Variants in BRIP1 observed in about 807,000 individuals in gnomAD.
The protein encoded by BRIP1 is Fanconi anemia group J protein.
BRIP1 carries 88 observed loss-of-function variants against 119.7 expected under a neutral mutation model. That is an observed-to-expected ratio of 0.74 (90% CI 0.62 to 0.88). The LOEUF (loss-of-function observed/expected upper bound fraction) is 0.88. BRIP1 is among the 40% of genes least tolerant of loss of function. BRIP1 has a pLI of 0.00. For missense variants in BRIP1, 1,259 were observed against 1,455.4 expected, an observed-to-expected ratio of 0.87 and a Z score of 2.20; for synonymous variants, 443 against 496.5, an observed-to-expected ratio of 0.89 and a Z score of 1.43.
At chr17:61,702,926 A>G (rs2061635912) in intron 17 of BRIP1, among the ~76,000 whole-genome samples, 1 of 150,764 alleles carries the variant, frequency 6.6e-6, no homozygotes, top group South Asian at 2.1e-4. Flanking sequence ...TCCCACCAGC[A>G]GTACATATGT....
Position 61,717,171 on chromosome 17 carries a change from G to A in BRIP1, c.2380-1108C>T, listed in dbSNP as rs1040429266. On this transcript the variant is annotated intron_variant, in intron 16 of 19. Coordinates refer to ENST00000259008, the MANE Select transcript of BRIP1 (RefSeq NM_032043.3). The surrounding 1 kb of genome is among the most constrained non-coding windows in gnomAD (Gnocchi z 4.1). ...TACCCTTTACCCAATTTCCCCTAATGTTAACATCTTATATTACTATAGCTC... is the reference window on the plus strand; with the variant it reads ...TACCCTTTACCCAATTTCCCCTAATATTAACATCTTATATTACTATAGCTC... Among the ~76,000 whole-genome samples, 4 of 151,968 alleles carry A rather than the reference G, an allele frequency of 2.6e-5. No individual in the cohort carries two copies. The highest frequency in any genetic ancestry group is 4.8e-5 in the African/African-American group (2 of 41,388).
At position 61,743,152 on chromosome 17, in the gene BRIP1, A is replaced by T. The variant is rs544273704; in HGVS notation, c.2258-18T>A. On this transcript the variant is annotated intron_variant, in intron 15 of 19. Coordinates refer to ENST00000259008, the MANE Select transcript of BRIP1 (RefSeq NM_032043.3). This position sits in a 1 kb window ranked among gnomAD's most constrained non-coding sequence, Gnocchi z 4.3. ...AGCTCCATCTTAAACAACAGAAAAA[A>T]GCATATCCAAAATTCTCAGAAATTG... 6 of 1,613,612 alleles carry T rather than the reference A, an allele frequency of 3.7e-6. No individual in the cohort carries two copies. Among genetic ancestry groups the T allele is most frequent in the Non-Finnish European group, 5.1e-6 (6 of 1,179,620 alleles).
rs1555591361 is a variant in BRIP1, at chr17:61,744,471, G to A, written c.2218C>T (p.Gln740Ter). Residue 740 changes from glutamine (Q) to a stop codon, truncating the protein, a stop_gained, in exon 15 of 20, where the codon CAG (glutamine) becomes TAG (stop). Coordinates refer to ENST00000259008, the MANE Select transcript of BRIP1 (RefSeq NM_032043.3). LOFTEE classifies it high-confidence loss of function. The surrounding 1 kb of genome is among the most constrained non-coding windows in gnomAD (Gnocchi z 5.0). ...TATTTGATTGCGTCATAGTACACCT[G>A]CAGTAATTCATCAAAATTTGTTTTT... ...GEKTNFDELL[Q>*]VYYDAIKYKG... The A allele has an allele frequency of 1.2e-6, 2 of 1,613,800 alleles. No individual in the cohort carries two copies. Among genetic ancestry groups the A allele is most frequent in the Non-Finnish European group, 1.7e-6 (2 of 1,179,860 alleles).
chr17:61,718,750 A>G (rs2061923122), intron 16 of BRIP1, among the ~76,000 whole-genome samples: 1 of 152,214 alleles, frequency 6.6e-6, no homozygotes, highest in African/African-American at 2.4e-5. Context: ...TTCCAGGACA[A>G]GTATATCAAA....
chr17:61,722,672 T>C lies in BRIP1; in HGVS notation c.2380-6609A>G, dbSNP rs1227624838. 1.3e-5 allele frequency among the ~76,000 whole-genome samples: 2 copies of C among 152,232 alleles called. No individual in the cohort carries two copies. Among genetic ancestry groups the C allele is most frequent in the Non-Finnish European group, 2.9e-5 (2 of 68,028 alleles). On this transcript the variant is annotated intron_variant, in intron 16 of 19. Coordinates refer to ENST00000259008, the MANE Select transcript of BRIP1 (RefSeq NM_032043.3). This position sits in a 1 kb window ranked among gnomAD's most constrained non-coding sequence, Gnocchi z 4.6. ...GACTGATACATTATAGTGGTCACTG[T>C]TCCGAAGACAACAGTTGCTCTAGGA... is the stretch of plus-strand genomic sequence containing the variant.
In BRIP1 at chr17:61,797,622, A is replaced by G. The variant is rs146038940; in HGVS notation, c.1340+1478T>C. On this transcript the variant is annotated intron_variant, in intron 9 of 19. Transcript: ENST00000259008. ...TAAAAACCACAAAAATCTGCATGGC[A>G]AAACACCACCAGAAAAGACACAAAT... Among the ~76,000 whole-genome samples the G allele has an allele frequency of 1.4e-3, 216 of 152,200 alleles. 1 individual carries two copies. Among genetic ancestry groups the G allele is most frequent in the African/African-American group, 5.1e-3 (211 of 41,560 alleles).
At chr17:61,829,504 C>CA (rs150051476) in intron 6 of BRIP1, among the ~76,000 whole-genome samples, 27 of 150,444 alleles carry the variant, frequency 1.8e-4, no homozygotes, top group African/African-American at 5.6e-4. Flanking sequence ...ATAAGTAGAC[C>CA]AAAAAAAACC....
rs774569148 is a variant in BRIP1 at position 61,774,674 on chromosome 17, AAT to A, written c.2097+1725_2097+1726del. Among the ~76,000 whole-genome samples the A allele has an allele frequency of 6.6e-6, 1 of 152,236 alleles. No homozygotes were observed. The highest frequency in any genetic ancestry group is 1.5e-5 in the Non-Finnish European group (1 of 68,040). ...AAACCTGCAGAACAATTAATTTCGC[AAT>A]CAAAGAAATAAACTCAATTGGAACA... is the stretch of plus-strand genomic sequence containing the variant. On this transcript the variant is annotated intron_variant, in intron 14 of 19. Coordinates refer to ENST00000259008, the MANE Select transcript of BRIP1 (RefSeq NM_032043.3). The surrounding 1 kb of genome is among the most constrained non-coding windows in gnomAD (Gnocchi z 5.8).
At position 61,857,112 on chromosome 17, in the gene BRIP1, T is replaced by C. The variant is rs2078907245; in HGVS notation, c.325A>G (p.Asn109Asp). Residue 109 changes from asparagine (N) to aspartate (D), a missense_variant, in exon 4 of 20, where the codon AAC becomes GAC. Coordinates refer to ENST00000259008, the MANE Select transcript of BRIP1 (RefSeq NM_032043.3). The surrounding 1 kb of genome is among the most constrained non-coding windows in gnomAD (Gnocchi z 5.1). ...DMNQGTSRHF[N>D]YPSTPPSERN... ...TCAGAAGGTGGTGTGCTTGGATAGT[T>C]GAAATGACGTGAAGTTCCTTGGTTC... is the stretch of plus-strand genomic sequence containing the variant. 2 of 1,614,176 alleles carry C rather than the reference T, an allele frequency of 1.2e-6. No individual in the cohort carries two copies. The highest frequency in any genetic ancestry group is 1.7e-6 in the Non-Finnish European group (2 of 1,180,006).
rs1407033096 is a variant in BRIP1, at chr17:61,762,315, GAA to G, written c.2097+14084_2097+14085del. ...AACTACTAGAAGAAAACAGAGGGGG[GAA>G]AACTACATAACATTGGTTTAGGCAA... On this transcript the variant is annotated intron_variant, in intron 14 of 19. Coordinates refer to ENST00000259008, the MANE Select transcript of BRIP1 (RefSeq NM_032043.3). The surrounding 1 kb of genome is among the most constrained non-coding windows in gnomAD (Gnocchi z 4.3). 1.3e-5 allele frequency among the ~76,000 whole-genome samples: 2 copies of G among 151,932 alleles called. No homozygotes were observed. The highest frequency in any genetic ancestry group is 2.9e-5 in the Non-Finnish European group (2 of 67,968).
chr17:61,688,176 A>G (rs528883962), intron 18 of BRIP1, among the ~76,000 whole-genome samples: 15 of 152,272 alleles, frequency 9.9e-5, no homozygotes, highest in Non-Finnish European at 1.9e-4. Context: ...CCTGGAATCT[A>G]CTAAGAACAA....
chr17:61,857,296 G>GC lies in BRIP1; in HGVS notation c.206-66dup. ...AAATAAACATCAATCATTCTCTACA[G>GC]CCCAGTTCACCCAGGATTGGGAGGT... On this transcript the variant is annotated intron_variant, in intron 3 of 19. Transcript: ENST00000259008. This position sits in a 1 kb window ranked among gnomAD's most constrained non-coding sequence, Gnocchi z 5.1. The GC allele has an allele frequency of 7.1e-7, 1 of 1,417,022 alleles. No homozygotes were observed. The highest frequency in any genetic ancestry group is 9.6e-7 in the Non-Finnish European group (1 of 1,037,444). The allele number at this position is 1,417,022 out of a possible 1,614,324, so 87.8% of individuals were successfully genotyped here.
At position 61,824,265 on chromosome 17, in the gene BRIP1, G is replaced by A. The variant is rs1017489891; in HGVS notation, c.628-15508C>T. ...AAATGTGTTTCAAAACAAAGCGACG[G>A]TTCCTATCAATAACCCAATGAAGTT... On this transcript the variant is annotated intron_variant, in intron 6 of 19. Coordinates refer to ENST00000259008, the MANE Select transcript of BRIP1 (RefSeq NM_032043.3). The surrounding 1 kb of genome is among the most constrained non-coding windows in gnomAD (Gnocchi z 4.3). 6.6e-6 allele frequency among the ~76,000 whole-genome samples: 1 copy of A among 151,964 alleles called. No homozygotes were observed. Among genetic ancestry groups the A allele is most frequent in the African/African-American group, 2.4e-5 (1 of 41,236 alleles).
chr17:61,833,794 A>G (rs1273079686), intron 6 of BRIP1, among the ~76,000 whole-genome samples: 1 of 152,200 alleles, frequency 6.6e-6, no homozygotes. Flanking sequence ...CACTAACTCC[A>G]CTAACCTCTG....
At chr17:61,839,726 T>C (rs568110394) in intron 6 of BRIP1, among the ~76,000 whole-genome samples, 2 of 152,218 alleles carry the variant, frequency 1.3e-5, no homozygotes, top group Non-Finnish European at 2.9e-5. Flanking sequence ...CTTAATGTTA[T>C]GAGTAATAAA....
In BRIP1 at chr17:61,742,141, A is replaced by T. The variant is rs2076994178; in HGVS notation, c.2379+872T>A. On this transcript the variant is annotated intron_variant, in intron 16 of 19. Coordinates refer to ENST00000259008, the MANE Select transcript of BRIP1 (RefSeq NM_032043.3). The surrounding 1 kb of genome is among the most constrained non-coding windows in gnomAD (Gnocchi z 4.7). Reference sequence around the variant, plus strand: ...TTATGGAGATAGCTTCTTTCCTTAAACCTCATGAAACAACCTCTGCTAGCT... The same window carrying T: ...TTATGGAGATAGCTTCTTTCCTTAATCCTCATGAAACAACCTCTGCTAGCT... Among the ~76,000 whole-genome samples, 1 of 152,038 alleles carries T rather than the reference A, an allele frequency of 6.6e-6. No homozygotes were observed. Among genetic ancestry groups the T allele is most frequent in the African/African-American group, 2.4e-5 (1 of 41,394 alleles).
At chr17:61,747,897 T>C (rs2077079523) in intron 14 of BRIP1, among the ~76,000 whole-genome samples, 1 of 145,232 alleles carries the variant, frequency 6.9e-6, no homozygotes. Context: ...CACCATGCCC[T>C]GGTAATTTTT....
rs72842977 is a variant in BRIP1 at position 61,742,795 on chromosome 17, C to T, written c.2379+218G>A. Among the ~76,000 whole-genome samples the T allele has an allele frequency of 9.8e-3, 1,488 of 152,150 alleles. 11 individuals carry two copies. The highest frequency in any genetic ancestry group is 0.022 in the South Asian group (105 of 4,812). ...ATAATAATGAAAAGGTTTGAAATAT[C>T]GTGAGAATTAACCCAAATGTGAAAC... On this transcript the variant is annotated intron_variant, in intron 16 of 19. Coordinates refer to ENST00000259008, the MANE Select transcript of BRIP1 (RefSeq NM_032043.3). The surrounding 1 kb of genome is among the most constrained non-coding windows in gnomAD (Gnocchi z 4.7).
chr17:61,757,987 C>G lies in BRIP1; in HGVS notation c.2098-13396G>C, dbSNP rs1454499806. Among the ~76,000 whole-genome samples, 2 of 150,160 alleles carry G rather than the reference C, an allele frequency of 1.3e-5. No individual in the cohort carries two copies. Among genetic ancestry groups the G allele is most frequent in the Non-Finnish European group, 3.0e-5 (2 of 67,658 alleles). On this transcript the variant is annotated intron_variant, in intron 14 of 19. Transcript: ENST00000259008. The surrounding 1 kb of genome is among the most constrained non-coding windows in gnomAD (Gnocchi z 4.3). ...CTAGCCTGGGCAACAGAATGAGACA[C>G]TGTCTTGAAAAAAAAAAAGAGAAAA...
Sources: gnomAD v4.1 joint callset for allele counts (sites outside exome capture counted in the v4.1 genomes callset) on GRCh38, gnomAD v4.1.1 for gene constraint, Gnocchi (gnomAD v3.1) non-coding constraint, MANE v1.5 for transcripts, NCBI Gene and HGNC (gene_info 2026-07-23, HGNC 2026-07-21) for gene names.